TMCO5A: variants seen among roughly 807,000 people sequenced by gnomAD.
TMCO5A encodes transmembrane and coiled-coil domains 5A, also known as transmembrane and coiled-coil domain-containing protein 5A.
A neutral mutation model predicts 42.3 loss-of-function variants in TMCO5A; 34 were observed. That is an observed-to-expected ratio of 0.80 (90% CI 0.61 to 1.07). The LOEUF (loss-of-function observed/expected upper bound fraction) is 1.07. Ranked by LOEUF, TMCO5A falls within the 50% of genes least tolerant of loss-of-function variation. The pLI is 0.00. For synonymous variants in TMCO5A, 131 were observed against 115.6 expected, an observed-to-expected ratio of 1.13 and a Z score of -0.86; for missense variants, 357 against 327.9, an observed-to-expected ratio of 1.09 and a Z score of -0.69.
chr15:37,941,178 T>C lies in TMCO5A; in HGVS notation c.417T>C (p.Tyr139=), dbSNP rs1055004418. The C allele has an allele frequency of 1.9e-6, 3 of 1,613,240 alleles. No individual in the cohort carries two copies. Among genetic ancestry groups the C allele is most frequent in the East Asian group, 4.5e-5 (2 of 44,790 alleles). ...KVKLQQLEAS[Y]ACQEKELLKV... Reference sequence around the variant, plus strand: ...AGTTACAACAGCTGGAAGCTTCCTATGCATGCCAAGAGAAGGAGCTGCTCA... The same window carrying C: ...AGTTACAACAGCTGGAAGCTTCCTACGCATGCCAAGAGAAGGAGCTGCTCA... Residue 139 remains tyrosine (Y), a synonymous_variant, in exon 7 of 12, where the codon TAT becomes TAC. Coordinates refer to ENST00000319669, the MANE Select transcript of TMCO5A (RefSeq NM_152453.4).
the TMCO5A span, among the ~76,000 whole-genome samples, chr15:38,005,552 A>C: frequency 6.6e-6 from 1 of 152,020 alleles, no homozygotes; most frequent in Non-Finnish European, 1.5e-5. Flanking sequence ...ACTCTAGCCT[A>C]CGTGACAGAG....
At chr15:38,022,130 A>G in the TMCO5A span, among the ~76,000 whole-genome samples, 1 of 152,178 alleles carries the variant, frequency 6.6e-6, no homozygotes, top group Admixed American at 6.6e-5. Context: ...AAAACTAATC[A>G]TACGCTTATC....
At chr15:37,951,771 C>CCTTTGTTT (rs1426489337), downstream of TMCO5A, among the ~76,000 whole-genome samples, 26 of 152,080 alleles carry the variant, frequency 1.7e-4, no homozygotes, top group Non-Finnish European at 3.2e-4. Flanking sequence ...ACTATCTAAA[C>CCTTTGTTT]AAAGAAAGCA....
chr15:37,961,143 A>G (rs2140814378), intron 11 of TMCO5A, among the ~76,000 whole-genome samples: 1 of 152,216 alleles, frequency 6.6e-6, no homozygotes, highest in East Asian at 1.9e-4. Flanking sequence ...GGGTTTTCCA[A>G]TGTTTTCTTC....
At chr15:37,978,779 G>A in the TMCO5A span, among the ~76,000 whole-genome samples, 2 of 151,964 alleles carry the variant, frequency 1.3e-5, no homozygotes, top group Non-Finnish European at 2.9e-5. Context: ...CCTGATAGTA[G>A]GTAATTTATA....
the TMCO5A span, among the ~76,000 whole-genome samples, chr15:38,000,243 C>G: frequency 1.0e-3 from 156 of 152,184 alleles, no homozygotes; most frequent in African/African-American, 3.7e-3. Context: ...ATGATTCAAT[C>G]TGGGTAGGTT....
At chr15:37,984,504 A>T in the TMCO5A span, among the ~76,000 whole-genome samples, 1 of 152,100 alleles carries the variant, frequency 6.6e-6, no homozygotes, top group African/African-American at 2.4e-5. Context: ...TGCCACACAT[A>T]GTTGTAGATA....
the TMCO5A span, among the ~76,000 whole-genome samples, chr15:38,007,809 TTATC>T: frequency 5.2e-3 from 788 of 150,758 alleles, 8 homozygotes; most frequent in African/African-American, 0.018. Context: ...GCCTAGGCAT[TTATC>T]TATCAAGTCC....
chr15:38,005,244 T>C, the TMCO5A span, among the ~76,000 whole-genome samples: 2 of 145,528 alleles, frequency 1.4e-5, no homozygotes, highest in Non-Finnish European at 3.0e-5. Flanking sequence ...CAGATAACTT[T>C]TGGAAAACAG....
chr15:37,938,549 C>G (rs1419431056), intron 6 of TMCO5A, among the ~76,000 whole-genome samples: 1 of 152,020 alleles, frequency 6.6e-6, no homozygotes, highest in Non-Finnish European at 1.5e-5. Flanking sequence ...TAATTACTGC[C>G]TCTCAGCCTC....
the TMCO5A span, among the ~76,000 whole-genome samples, chr15:38,035,292 A>G: frequency 0.36 from 55,045 of 152,126 alleles, 11,772 homozygotes; most frequent in East Asian, 0.67. Context: ...TTAGACATGT[A>G]GGATGCCAGC....
chr15:37,936,555 A>ACTT, intron 3 of TMCO5A, 92 bp downstream of exon 3: 2 of 1,457,080 alleles, frequency 1.4e-6, no homozygotes, highest in Non-Finnish European at 1.8e-6. Flanking sequence ...TGTTCTAGAG[A>ACTT]CTTCTACCTT....
chr15:37,940,705 C>G (rs906420457), intron 6 of TMCO5A, among the ~76,000 whole-genome samples: 10 of 152,224 alleles, frequency 6.6e-5, no homozygotes, highest in Admixed American at 2.6e-4. Context: ...ACACATGCTT[C>G]ACTCCAGCAT....
At chr15:37,950,791 A>G (rs574746550) in intron 11 of TMCO5A, among the ~76,000 whole-genome samples, 1 of 152,292 alleles carries the variant, frequency 6.6e-6, no homozygotes, top group South Asian at 2.1e-4. Context: ...AAAACAAAAA[A>G]TCAGAGAACA....
At chr15:37,996,472 A>T in the TMCO5A span, among the ~76,000 whole-genome samples, 1 of 152,190 alleles carries the variant, frequency 6.6e-6, no homozygotes, top group Non-Finnish European at 1.5e-5. Context: ...CTGTCTAATG[A>T]CCAAGTTTCA....
the TMCO5A span, among the ~76,000 whole-genome samples, chr15:38,014,282 T>C: frequency 3.3e-5 from 5 of 152,154 alleles, no homozygotes; most frequent in Non-Finnish European, 7.3e-5. Context: ...TATTACCTAG[T>C]TTTGCTTCGT....
intron 11 of TMCO5A, among the ~76,000 whole-genome samples, chr15:37,957,646 G>A (rs8037858): frequency 0.018 from 2,792 of 152,196 alleles, 77 homozygotes; most frequent in African/African-American, 0.056. Flanking sequence ...AATCAATGTC[G>A]TGAAAATGGC....
At chr15:37,966,456 T>C (rs1890558388) in intron 11 of TMCO5A, among the ~76,000 whole-genome samples, 1 of 152,182 alleles carries the variant, frequency 6.6e-6, no homozygotes, top group African/African-American at 2.4e-5. Context: ...TGATTACTCA[T>C]CGCATGCCTG....
At chr15:38,028,690 C>T in the TMCO5A span, among the ~76,000 whole-genome samples, 7 of 152,198 alleles carry the variant, frequency 4.6e-5, no homozygotes, top group South Asian at 1.5e-3. Flanking sequence ...AGGGCTTCCT[C>T]CAAAAGGACA....
Sources: gnomAD v4.1 joint callset for allele counts (sites outside exome capture counted in the v4.1 genomes callset) on GRCh38, gnomAD v4.1.1 for gene constraint, MANE v1.5 for transcripts, NCBI Gene and HGNC (gene_info 2026-07-23, HGNC 2026-07-21) for gene names.